The following DEPDC5 variants were observed in gnomAD, a reference collection of about 807,000 sequenced individuals.
The protein encoded by DEPDC5 is GATOR1 complex protein DEPDC5.
A neutral mutation model predicts 217.3 loss-of-function variants in DEPDC5; 73 were observed. The observed-to-expected ratio is 0.34, with a 90% CI of 0.28 to 0.41. DEPDC5 has a LOEUF of 0.41. Among genes scored for constraint, DEPDC5 ranks in the 10% least tolerant of loss-of-function variants. The pLI is 1.00. For missense variants in DEPDC5, 1,675 were observed against 2,070.1 expected, an observed-to-expected ratio of 0.81 and a Z score of 3.70; for synonymous variants, 733 against 756.7, an observed-to-expected ratio of 0.97 and a Z score of 0.51.
intron 7 of DEPDC5, among the ~76,000 whole-genome samples, chr22:31,771,340 G>A (rs1023804872): frequency 1.3e-5 from 2 of 152,148 alleles, no homozygotes; most frequent in South Asian, 4.1e-4. Context: ...TGGGGAGCCA[G>A]GTAAAATGGC....
At chr22:31,823,345 C>T (rs2089872647) in intron 24 of DEPDC5, among the ~76,000 whole-genome samples, 1 of 151,900 alleles carries the variant, frequency 6.6e-6, no homozygotes, top group African/African-American at 2.4e-5. Context: ...GCCTGGCCAA[C>T]ATGGTAAAAC....
At chr22:31,815,234 C>T (rs1159060491) in intron 21 of DEPDC5, 22 bp downstream of exon 21, 4 of 1,612,928 alleles carry the variant, frequency 2.5e-6, no homozygotes, top group Non-Finnish European at 2.5e-6. Context: ...GAAGCACAGA[C>T]AGAGCCAGGG....
chr22:31,805,875 A>C (rs1406536653), intron 17 of DEPDC5, among the ~76,000 whole-genome samples: 2 of 152,084 alleles, frequency 1.3e-5, no homozygotes, highest in African/African-American at 4.8e-5. Flanking sequence ...AGGTGGGAGG[A>C]ATGCTTGAGG....
chr22:31,815,801 T>C, intron 21 of DEPDC5: 3 of 1,247,028 alleles, frequency 2.4e-6, no homozygotes, highest in Non-Finnish European at 2.0e-6. Context: ...AGTGCTGAGA[T>C]TACAGGCATG....
At chr22:31,877,000 G>C (rs372762771) in intron 37 of DEPDC5, among the ~76,000 whole-genome samples, 1 of 152,040 alleles carries the variant, frequency 6.6e-6, no homozygotes, top group Non-Finnish European at 1.5e-5. Context: ...AAAATTAGCC[G>C]GGTGTGGTGG....
At chr22:31,870,891 C>G in intron 34 of DEPDC5, 147 bp downstream of exon 34, 1 of 859,062 alleles carries the variant, frequency 1.2e-6, no homozygotes, top group Non-Finnish European at 1.7e-6. Flanking sequence ...AGTCCTTAAC[C>G]ACATCTGTAT....
chr22:31,815,312 C>A, intron 21 of DEPDC5, 100 bp downstream of exon 21: 2 of 1,252,748 alleles, frequency 1.6e-6, no homozygotes, highest in Non-Finnish European at 2.3e-6. Flanking sequence ...GTAAATCCCA[C>A]ATCTTAATGA....
intron 7 of DEPDC5, among the ~76,000 whole-genome samples, chr22:31,776,460 A>G (rs796972642): frequency 2.6e-4 from 40 of 151,284 alleles, no homozygotes; most frequent in African/African-American, 8.5e-4. Flanking sequence ...TGAATTTACT[A>G]TGGCCATTCA....
chr22:31,819,222 G>A lies in DEPDC5; in HGVS notation c.1867G>A (p.Val623Met), dbSNP rs767020524. Residue 623 changes from valine to methionine, a missense_variant, in exon 22 of 43, where the codon GTG becomes ATG. Val to Met is a conservative substitution (Grantham distance 21). Transcript: ENST00000651528. The stretch of plus-strand genomic sequence containing the variant: ...AAGGCGCTGGATGCACACTTTTCCT[G>A]TGGGTAAGTTGGTTGCTTAAGAGAG... The part of the protein sequence containing the change: ...NRRRWMHTFP[V>M]GPSGEAIQIH... 2 of 1,614,118 alleles carry A rather than the reference G, an allele frequency of 1.2e-6. No homozygotes were observed. The highest frequency in any genetic ancestry group is 1.1e-5 in the South Asian group (1 of 91,072).
chr22:31,822,591 C>T, intron 23 of DEPDC5, 102 bp from the exon 24 acceptor site: 1 of 1,137,390 alleles, frequency 8.8e-7, no homozygotes, highest in Non-Finnish European at 1.3e-6. Flanking sequence ...ATATTCAGGC[C>T]TGATTTTTAT....
chr22:31,815,353 C>A, intron 21 of DEPDC5, 141 bp downstream of exon 21: 11 of 741,968 alleles, frequency 1.5e-5, no homozygotes, highest in Non-Finnish European at 2.4e-5. Context: ...GTACAAATCA[C>A]TTTAGCTGTT....
chr22:31,772,247 T>G (rs114028927), intron 7 of DEPDC5, among the ~76,000 whole-genome samples: 2,634 of 152,108 alleles, frequency 0.017, 72 homozygotes, highest in African/African-American at 0.061. Flanking sequence ...AACAAAAATT[T>G]GTTAGCGGGT....
intron 4 of DEPDC5, among the ~76,000 whole-genome samples, chr22:31,761,780 C>A (rs2082410981): frequency 6.6e-6 from 1 of 151,442 alleles, no homozygotes; most frequent in Non-Finnish European, 1.5e-5. Context: ...CCAGCCTGGG[C>A]AAAACGGTGA....
At chr22:31,839,073 A>C (rs1269766033) in intron 27 of DEPDC5, among the ~76,000 whole-genome samples, 1 of 152,186 alleles carries the variant, frequency 6.6e-6, no homozygotes, top group African/African-American at 2.4e-5. Context: ...GATGTGGCCA[A>C]GTTCAGGAAT....
chr22:31,875,586 AGT>A (rs1262761717), intron 36 of DEPDC5: 1 of 151,364 alleles, frequency 6.6e-6, no homozygotes, highest in African/African-American at 2.4e-5. Context: ...AGTATAGAGA[AGT>A]GTCAAATTTG....
At chr22:31,783,678 G>C (rs1385750821) in intron 8 of DEPDC5, among the ~76,000 whole-genome samples, 1 of 151,438 alleles carries the variant, frequency 6.6e-6, no homozygotes, top group Admixed American at 6.6e-5. Flanking sequence ...TCAAAACAAA[G>C]GAAAAAAAGA....
chr22:31,784,079 T>C (rs1292308842), intron 9 of DEPDC5, 94 bp downstream of exon 9: 2 of 977,928 alleles, frequency 2.0e-6, no homozygotes, highest in Admixed American at 2.3e-5. Flanking sequence ...CCCCACATCA[T>C]CTTCTAACAA....
intron 39 of DEPDC5, among the ~76,000 whole-genome samples, chr22:31,896,063 T>C (rs1051391964): frequency 1.3e-5 from 2 of 151,536 alleles, no homozygotes; most frequent in African/African-American, 4.9e-5. Context: ...CACACACATA[T>C]AGTTATAGTT....
At chr22:31,769,509 A>T (rs2083142656) in intron 7 of DEPDC5, 1 of 152,222 alleles carries the variant, frequency 6.6e-6, no homozygotes, top group South Asian at 2.1e-4. Context: ...AATGACTGGC[A>T]CATTGGCTCC....
Sources: allele counts gnomAD v4.1 joint callset (sites outside exome capture counted in the v4.1 genomes callset), GRCh38; gene constraint gnomAD v4.1.1; transcripts MANE v1.5; gene names NCBI Gene and HGNC (gene_info 2026-07-23, HGNC 2026-07-21).